Variants in ZNF438 observed in about 807,000 individuals in gnomAD.
ZNF438 encodes the protein zinc finger protein 438.
Under a neutral mutation model 38.0 loss-of-function variants are expected in ZNF438, and 25 were observed. That is an observed-to-expected ratio of 0.66 (90% CI 0.48 to 0.92). ZNF438 has a LOEUF of 0.92. Ranked by LOEUF, ZNF438 falls within the 40% of genes least tolerant of loss-of-function variation. ZNF438 has a pLI of 0.00. For missense variants in ZNF438, 1,007 were observed against 999.6 expected (o/e 1.01, Z -0.10); for synonymous variants, 372 against 364.1 (o/e 1.02, Z -0.25).
chr10:30,921,765 T>G (rs905376692), intron 2 of ZNF438, among the ~76,000 whole-genome samples: 1 of 152,220 alleles, frequency 6.6e-6, no homozygotes, highest in Non-Finnish European at 1.5e-5. Context: ...GCTCTAATGC[T>G]TCTTAAGAGA....
chr10:30,875,599 T>C, intron 4 of ZNF438: 1 of 984,350 alleles, frequency 1.0e-6, no homozygotes, highest in South Asian at 4.7e-5. Flanking sequence ...CCAGAGGATA[T>C]ATACCAGAGA....
intron 1 of ZNF438, among the ~76,000 whole-genome samples, chr10:31,008,054 G>A (rs1053996703): frequency 6.6e-6 from 1 of 152,102 alleles, no homozygotes; most frequent in African/African-American, 2.4e-5. Context: ...AGACAAAGCA[G>A]TTTTCATTTT....
chr10:30,848,523 G>A lies in ZNF438; in HGVS notation c.1874+8C>T, dbSNP rs575160818. 4.4e-6 allele frequency: 7 copies of A among 1,604,858 alleles called. No individual in the cohort carries two copies. Among genetic ancestry groups the A allele is most frequent in the African/African-American group, 1.3e-5 (1 of 74,822 alleles). ...CTCTTGCCAGGTCTCCATTACATTG[G>A]CACTCACCTCTCCAATGATCCCTCC... is the stretch of plus-strand genomic sequence containing the variant. On this transcript the variant is annotated splice_region_variant and intron_variant, in intron 5 of 5. Coordinates refer to ENST00000413025, the Ensembl canonical transcript of ZNF438.
intron 4 of ZNF438, among the ~76,000 whole-genome samples, chr10:30,876,022 T>G (rs548876366): frequency 6.6e-6 from 1 of 152,376 alleles, no homozygotes; most frequent in Non-Finnish European, 1.5e-5. Context: ...TGGAACTTAT[T>G]ATCTTCATTT....
At chr10:30,901,106 C>G (rs1389104731) in intron 3 of ZNF438, among the ~76,000 whole-genome samples, 1 of 152,144 alleles carries the variant, frequency 6.6e-6, no homozygotes, top group Non-Finnish European at 1.5e-5. Flanking sequence ...TAGCAATAAA[C>G]ACTAATAATC....
intron 4 of ZNF438, among the ~76,000 whole-genome samples, chr10:30,869,241 G>C (rs1370385001): frequency 6.6e-6 from 1 of 152,172 alleles, no homozygotes; most frequent in Non-Finnish European, 1.5e-5. Flanking sequence ...AGGTGTGGTG[G>C]TGCGTGCCTG....
intron 4 of ZNF438, among the ~76,000 whole-genome samples, chr10:30,874,194 G>A (rs1440970922): frequency 1.4e-5 from 2 of 144,412 alleles, no homozygotes; most frequent in Non-Finnish European, 3.0e-5. Flanking sequence ...TGTTGTCCAG[G>A]CTGGAATGCC....
At chr10:30,958,133 C>G (rs2049073708) in intron 1 of ZNF438, among the ~76,000 whole-genome samples, 1 of 146,396 alleles carries the variant, frequency 6.8e-6, no homozygotes, top group African/African-American at 2.4e-5. Flanking sequence ...CATTCCTGGC[C>G]TTGTACTTTT....
rs533780048 is a variant in ZNF438 at position 30,890,924 on chromosome 10, C to T, written c.-31-13859G>A. ...CTTTCTCTCTCATCAATAAAAATGTCGGATAATTTTTGTGGGTACGCAATT... is the reference window on the plus strand; with the variant it reads ...CTTTCTCTCTCATCAATAAAAATGTTGGATAATTTTTGTGGGTACGCAATT... On this transcript the variant is annotated intron_variant, in intron 3 of 5. Coordinates refer to ENST00000413025, the Ensembl canonical transcript of ZNF438. Among the ~76,000 whole-genome samples, 410 of 152,262 alleles carry T rather than the reference C, an allele frequency of 2.7e-3. 1 individual carries two copies. Among genetic ancestry groups the T allele is most frequent in the African/African-American group, 8.4e-3 (349 of 41,552 alleles).
At chr10:30,960,325 T>G (rs1245986553) in intron 1 of ZNF438, among the ~76,000 whole-genome samples, 1 of 147,174 alleles carries the variant, frequency 6.8e-6, no homozygotes, top group African/African-American at 2.4e-5. Context: ...ATGCTTCTGG[T>G]GTCATACCTA....
At chr10:30,864,906 C>T (rs1011982869) in intron 4 of ZNF438, among the ~76,000 whole-genome samples, 9 of 152,194 alleles carry the variant, frequency 5.9e-5, no homozygotes, top group African/African-American at 2.2e-4. Context: ...AATCTACTAT[C>T]TCAAGTCCTT....
chr10:30,849,417 G>C (rs199506130), exon 5 of ZNF438: 1 of 1,614,168 alleles, frequency 6.2e-7, no homozygotes, highest in Non-Finnish European at 8.5e-7. Flanking sequence ...GTGGTGGAGG[G>C]TATCTTATCA....
chr10:31,011,933 C>G (rs998599248), intron 1 of ZNF438, among the ~76,000 whole-genome samples: 4 of 152,108 alleles, frequency 2.6e-5, no homozygotes, highest in African/African-American at 9.7e-5. Context: ...CTGTCCTCCT[C>G]CTCACTCACG....
intron 1 of ZNF438, among the ~76,000 whole-genome samples, chr10:30,956,821 T>C (rs1370643424): frequency 6.6e-6 from 1 of 152,240 alleles, no homozygotes; most frequent in Non-Finnish European, 1.5e-5. Flanking sequence ...ATATCTTGGC[T>C]ATTGTAACTA....
At chr10:30,871,236 T>A (rs947779473) in intron 4 of ZNF438, among the ~76,000 whole-genome samples, 3 of 152,198 alleles carry the variant, frequency 2.0e-5, no homozygotes, top group Non-Finnish European at 2.9e-5. Flanking sequence ...TTGCTTCTTT[T>A]GCTCATTGTC....
intron 3 of ZNF438, among the ~76,000 whole-genome samples, chr10:30,891,844 A>G (rs549250634): frequency 2.0e-5 from 3 of 152,332 alleles, no homozygotes; most frequent in Admixed American, 2.0e-4. Flanking sequence ...GAGTCTTTCT[A>G]CATCAAGCAG....
At chr10:30,947,766 C>T (rs1012377739) in intron 1 of ZNF438, among the ~76,000 whole-genome samples, 8 of 152,178 alleles carry the variant, frequency 5.3e-5, no homozygotes, top group South Asian at 2.1e-4. Context: ...GCGCAGTATT[C>T]GGGAGGGAGT....
In ZNF438 at chr10:31,010,135, C is replaced by T. The variant is rs75042951; in HGVS notation, c.-192+21698G>A. Among the ~76,000 whole-genome samples, 485 of 152,308 alleles carry T rather than the reference C, an allele frequency of 3.2e-3. 1 individual carries two copies. Among genetic ancestry groups the T allele is most frequent in the Middle Eastern group, 0.014 (4 of 294 alleles). On this transcript the variant is annotated intron_variant, in intron 1 of 5. Coordinates refer to ENST00000413025, the Ensembl canonical transcript of ZNF438. ...GTGCTGGTATTACAGAAATGAGCCA[C>T]AGTGCCCGGACTTGTCAATCATTTT...
At chr10:30,851,108 G>A (rs187465685) in intron 4 of ZNF438, among the ~76,000 whole-genome samples, 134 of 152,298 alleles carry the variant, frequency 8.8e-4, no homozygotes, top group African/African-American at 3.1e-3. Context: ...TTTAAAAAAT[G>A]TTGAACAAAA....
Sources: allele counts gnomAD v4.1 joint callset (sites outside exome capture counted in the v4.1 genomes callset), GRCh38; gene constraint gnomAD v4.1.1; transcripts MANE v1.5; gene names NCBI Gene and HGNC (gene_info 2026-07-23, HGNC 2026-07-21).